NFRKB: variants seen among roughly 807,000 people sequenced by gnomAD.
NFRKB encodes the protein nuclear factor related to kappaB binding protein, also known as nuclear factor related to kappa-B-binding protein.
A neutral mutation model predicts 135.7 loss-of-function variants in NFRKB; 62 were observed. The ratio of observed to expected loss-of-function variants is 0.46; its 90% CI spans 0.37 to 0.56. NFRKB has a LOEUF of 0.56. NFRKB is among the 20% of genes least tolerant of loss of function. The pLI is 0.00. For synonymous variants in NFRKB, 678 were observed against 635.6 expected (o/e 1.07, Z -1.00); for missense variants, 1,545 against 1,662.0 (o/e 0.93, Z 1.22).
intron 3 of NFRKB, among the ~76,000 whole-genome samples, chr11:129,890,032 T>G (rs535485893): frequency 7.4e-4 from 111 of 150,464 alleles, no homozygotes; most frequent in Middle Eastern, 3.4e-3. Flanking sequence ...TTTTTTTGTT[T>G]TTTTTTTTTG....
rs1949110044 is a variant in NFRKB at position 129,883,138 on chromosome 11, C to T, written c.885G>A (p.Arg295=). 6.2e-7 allele frequency: 1 copy of T among 1,614,024 alleles called. No homozygotes were observed. The highest frequency in any genetic ancestry group is 8.5e-7 in the Non-Finnish European group (1 of 1,180,036). ...GTCATTTACCTGCCAGAGAGCCCTT[C>T]CTGCCAGCATTTACTCGAGTCATGA... ...NDIMTRVNAG[R]KGSLAALYDL... is the part of the protein sequence containing the mutation. The change falls in exon 9 of 27, where the codon AGG becomes AGA. Residue 295 remains arginine (R), a synonymous_variant. Coordinates refer to ENST00000682444, the MANE Select transcript of NFRKB (RefSeq NM_001143835.2).
At chr11:129,873,202 CT>C in intron 22 of NFRKB, 106 bp from the exon 23 acceptor site, 1 of 946,628 alleles carries the variant, frequency 1.1e-6, no homozygotes, top group Non-Finnish European at 1.5e-6. Context: ...TCTCAAAGAG[CT>C]TCTAATCCCA....
chr11:129,869,835 G>A lies in NFRKB; in HGVS notation c.3190C>T (p.Leu1064Phe), dbSNP rs779878132. 6.2e-7 allele frequency: 1 copy of A among 1,614,260 alleles called. No homozygotes were observed. Among genetic ancestry groups the A allele is most frequent in the East Asian group, 2.2e-5 (1 of 44,884 alleles). Reference protein sequence around the residue: ...SSSAFRLMPALGVSVADQKGK... With the variant: ...SSSAFRLMPAFGVSVADQKGK... ...TTCTGGTCAGCCACACTCACGCCAA[G>A]AGCTGGCATCAAGCGAAAAGCCGAA... Residue 1064 changes from leucine to phenylalanine, a missense_variant, in exon 24 of 27, where the codon CTT (leucine) becomes TTT (phenylalanine). Coordinates refer to ENST00000682444, the MANE Select transcript of NFRKB (RefSeq NM_001143835.2).
intron 5 of NFRKB, among the ~76,000 whole-genome samples, 198 bp from the exon 6 acceptor site, chr11:129,885,807 G>A (rs1949249879): frequency 6.6e-6 from 1 of 152,216 alleles, no homozygotes; most frequent in Non-Finnish European, 1.5e-5. Flanking sequence ...AAATCTGACT[G>A]TTGAAGTGCT....
At chr11:129,865,204 G>A (rs1948134689) in intron 25 of NFRKB, 103 bp from the exon 26 acceptor site, 1 of 1,361,978 alleles carries the variant, frequency 7.3e-7, no homozygotes, top group African/African-American at 1.4e-5. Flanking sequence ...CTGTGCCAAT[G>A]AAAATCCCAG....
At position 129,878,473 on chromosome 11, in the gene NFRKB, G is replaced by A. The variant is rs1948877387; in HGVS notation, c.1455C>T (p.Ala485=). The A allele has an allele frequency of 1.2e-6, 2 of 1,614,066 alleles. No homozygotes were observed. Residue 485 remains alanine, a synonymous_variant, in exon 14 of 27, where the codon GCC becomes GCT. Coordinates refer to ENST00000682444, the MANE Select transcript of NFRKB (RefSeq NM_001143835.2). ...FQLWLETKDQ[A]FCKQENEDSS... ...TCTTAAAAAAACATACCTTACAGAAGGCCTGATCTTTGGTCTCTAGCCATA... is the reference window on the plus strand; with the variant it reads ...TCTTAAAAAAACATACCTTACAGAAAGCCTGATCTTTGGTCTCTAGCCATA...
At chr11:129,880,017 T>C (rs186178461) in intron 13 of NFRKB, among the ~76,000 whole-genome samples, 1 of 152,106 alleles carries the variant, frequency 6.6e-6, no homozygotes, top group Non-Finnish European at 1.5e-5. Flanking sequence ...GGAAACCTTG[T>C]CTCTACTAAA....
intron 4 of NFRKB, 38 bp downstream of exon 4, chr11:129,888,556 C>T (rs1949390879): frequency 6.3e-7 from 1 of 1,578,638 alleles, no homozygotes; most frequent in Non-Finnish European, 8.7e-7. Context: ...TGTGCCCATC[C>T]ACCACCCCCC....
chr11:129,879,959 G>T (rs1948949750), intron 13 of NFRKB, among the ~76,000 whole-genome samples: 1 of 152,220 alleles, frequency 6.6e-6, no homozygotes, highest in Non-Finnish European at 1.5e-5. Context: ...GGCCAAAGCA[G>T]GTGGATCACC....
In NFRKB at chr11:129,878,294, C is replaced by A. The variant is rs369661641; in HGVS notation, c.1511+15G>T. On this transcript the variant is annotated intron_variant, in intron 15 of 26. Transcript: ENST00000682444. ...TTTCCCAGGACACCACCCACCACTA[C>A]AGTATTGTACTCACACCCGAGGGAC... 26 of 1,613,412 alleles carry A rather than the reference C, an allele frequency of 1.6e-5. No individual in the cohort carries two copies. The African/African-American group carries it at 3.3e-4, about 21-fold the overall frequency.
At position 129,881,744 on chromosome 11, in the gene NFRKB, A is replaced by C; in HGVS notation, c.1301T>G (p.Leu434Arg). 6.2e-7 allele frequency: 1 copy of C among 1,614,164 alleles called. No homozygotes were observed. The highest frequency in any genetic ancestry group is 8.5e-7 in the Non-Finnish European group (1 of 1,180,010). Residue 434 changes from leucine (L) to arginine (R), a missense_variant, in exon 12 of 27, where the codon CTT (leucine) becomes CGT (arginine). Leu to Arg is a moderately radical substitution (Grantham distance 102). This residue lies in a region of NFRKB where 678 missense variants were observed against 646.7 expected (regional missense o/e 1.05). Coordinates refer to ENST00000682444, the MANE Select transcript of NFRKB (RefSeq NM_001143835.2). ...CATCTTACCTCGACTTTCTCCAGCAAGATACTGCAGGGCTGGTAGTACCAA... is the reference window on the plus strand; with the variant it reads ...CATCTTACCTCGACTTTCTCCAGCACGATACTGCAGGGCTGGTAGTACCAA... ...AELVLPALQY[L>R]AGESRAVPSS...
rs1948409168 is a variant in NFRKB at position 129,869,819 on chromosome 11, G to GC, written c.3205dup (p.Ala1069GlyfsTer2). On this transcript the variant is annotated frameshift_variant, in exon 24 of 27. Coordinates refer to ENST00000682444, the MANE Select transcript of NFRKB (RefSeq NM_001143835.2). LOFTEE classifies it high-confidence loss of function. The stretch of plus-strand genomic sequence containing the variant: ...CACTGTGCTTTTTCCCTTCTGGTCA[G>GC]CCACACTCACGCCAAGAGCTGGCAT... 6.2e-7 allele frequency: 1 copy of GC among 1,614,146 alleles called. No individual in the cohort carries two copies. The highest frequency in any genetic ancestry group is 1.7e-5 in the Admixed American group (1 of 60,008).
Position 129,873,967 on chromosome 11 carries a change from AAG to A in NFRKB, c.2326_2327del (p.Leu776PhefsTer36). Reference sequence around the variant, plus strand: ...GTGCAGTCTGGCTGGAAGCTGGGGAAAGCATTGTTCCCAGATGTGGCATTGTT... The same window carrying A: ...GTGCAGTCTGGCTGGAAGCTGGGGAACATTGTTCCCAGATGTGGCATTGTT... The part of the protein sequence containing the change: ...SPTMPHLGTM[L>X]SPASSQTAPS... On this transcript the variant is annotated frameshift_variant, in exon 22 of 27. Coordinates refer to ENST00000682444, the MANE Select transcript of NFRKB (RefSeq NM_001143835.2). LOFTEE classifies it high-confidence loss of function. 1 of 1,613,008 alleles carries A rather than the reference AAG, an allele frequency of 6.2e-7. No homozygotes were observed. The highest frequency in any genetic ancestry group is 8.5e-7 in the Non-Finnish European group (1 of 1,180,020).
rs1042127819 is a variant in NFRKB, at chr11:129,873,913, C to T, written c.2382G>A (p.Val794=). 5.6e-6 allele frequency: 9 copies of T among 1,613,808 alleles called. No homozygotes were observed. Among genetic ancestry groups the T allele is most frequent in the Non-Finnish European group, 6.8e-6 (8 of 1,180,034 alleles). The change falls in exon 22 of 27, where the codon GTG becomes GTA. Residue 794 remains valine (V), a synonymous_variant. Transcript: ENST00000682444. ...ACAGTCCAGCAGAGCCAGAGTGGCT[C>T]ACGACCCGGGCGGCAGCCTGAGAAC... The part of the protein sequence containing the change: ...APSSQAAARV[V]SHSGSAGLSQ...
At chr11:129,876,659 TG>T (rs371384639) in intron 17 of NFRKB, 61 bp downstream of exon 17, 1 of 1,556,662 alleles carries the variant, frequency 6.4e-7, no homozygotes, top group Admixed American at 1.8e-5. Context: ...AGTTCAGAGT[TG>T]GTAAGAGAAA....
chr11:129,866,120 C>T lies in NFRKB; in HGVS notation c.3532-137G>A, dbSNP rs917563954. 13 of 677,196 alleles carry T rather than the reference C, an allele frequency of 1.9e-5. No homozygotes were observed. The African/African-American group carries it at 2.2e-4, about 11-fold the overall frequency. The allele number at this position is 677,196 out of a possible 1,614,324, so 41.9% of individuals were successfully genotyped here. ...CCCAGTACCCACCAGGGTCTCAAGG[C>T]TCCTGAGGTTTGGGCCCAGAAAACC... On this transcript the variant is annotated intron_variant, in intron 24 of 26. Transcript: ENST00000682444.
chr11:129,882,779 G>T, intron 9 of NFRKB, 148 bp from the exon 10 acceptor site: 2 of 839,868 alleles, frequency 2.4e-6, no homozygotes, highest in Non-Finnish European at 3.7e-6. Context: ...TTCATTGAGT[G>T]ATTTATAGCT....
chr11:129,876,172 A>G (rs1045290904), intron 17 of NFRKB, among the ~76,000 whole-genome samples: 6 of 152,200 alleles, frequency 3.9e-5, no homozygotes, highest in Non-Finnish European at 7.3e-5. Context: ...TAAGAATATC[A>G]TTTATACTCA....
At position 129,870,125 on chromosome 11, in the gene NFRKB, T is replaced by C; in HGVS notation, c.2900A>G (p.Gln967Arg). Residue 967 changes from glutamine (Q) to arginine (R), a missense_variant, in exon 24 of 27, where the codon CAG becomes CGG. This residue lies in a region of NFRKB where 753 missense variants were observed against 804.3 expected (regional missense o/e 0.94). Coordinates refer to ENST00000682444, the MANE Select transcript of NFRKB (RefSeq NM_001143835.2). ...GTCCGGAGTGATTCGCAGAACCGTC[T>C]GGCCCTTGGCATCTGTGGTGATGGA... is the stretch of plus-strand genomic sequence containing the variant. Reference protein sequence around the residue: ...PSSITTDAKGQTVLRITPDMM... With the variant: ...PSSITTDAKGRTVLRITPDMM... The C allele has an allele frequency of 6.2e-7, 1 of 1,614,282 alleles. No individual in the cohort carries two copies. Among genetic ancestry groups the C allele is most frequent in the Non-Finnish European group, 8.5e-7 (1 of 1,180,054 alleles).
Sources: allele counts gnomAD v4.1 joint callset (sites outside exome capture counted in the v4.1 genomes callset), GRCh38; gene constraint gnomAD v4.1.1; regional missense constraint gnomAD v4.1.1; transcripts MANE v1.5; gene names NCBI Gene and HGNC (gene_info 2026-07-23, HGNC 2026-07-21).